BCR: variants seen among roughly 807,000 people sequenced by gnomAD.
BCR encodes the protein breakpoint cluster region protein.
A neutral mutation model predicts 138.6 loss-of-function variants in BCR; 58 were observed. The ratio of observed to expected loss-of-function variants is 0.42; its 90% CI spans 0.34 to 0.52. BCR has a LOEUF of 0.52. Among genes scored for constraint, BCR ranks in the 20% least tolerant of loss-of-function variants. BCR has a pLI of 0.06. For missense variants in BCR, 1,599 were observed against 1,727.2 expected (o/e 0.93, Z 1.32); for synonymous variants, 786 against 730.1 (o/e 1.08, Z -1.23).
chr22:23,211,928 TC>T (rs2072689106), intron 1 of BCR, among the ~76,000 whole-genome samples: 1 of 152,100 alleles, frequency 6.6e-6, no homozygotes, highest in Non-Finnish European at 1.5e-5. Context: ...GGGCTGCTCC[TC>T]TCAGAGTGCC....
At chr22:23,263,061 G>A in intron 4 of BCR, 3 of 727,654 alleles carry the variant, frequency 4.1e-6, no homozygotes, top group Non-Finnish European at 4.3e-6. Flanking sequence ...TAGGCGGCGG[G>A]AGGGCGCCAG....
At chr22:23,193,559 C>T (rs2072440753) in intron 1 of BCR, among the ~76,000 whole-genome samples, 1 of 152,262 alleles carries the variant, frequency 6.6e-6, no homozygotes, top group Non-Finnish European at 1.5e-5. Context: ...CCAGTATGAG[C>T]TCCGGGGGGA....
intron 1 of BCR, among the ~76,000 whole-genome samples, chr22:23,217,295 A>C (rs970137140): frequency 6.6e-5 from 10 of 152,228 alleles, no homozygotes; most frequent in Non-Finnish European, 1.2e-4. Flanking sequence ...GGGGTGTCAG[A>C]TCCACTGTTA....
chr22:23,301,149 C>CA (rs1271336312), intron 16 of BCR, among the ~76,000 whole-genome samples: 2 of 152,198 alleles, frequency 1.3e-5, no homozygotes, highest in Non-Finnish European at 2.9e-5. Flanking sequence ...ACTAAAAACA[C>CA]AAAAAAATTA....
chr22:23,230,110 A>G (rs1192685233), intron 1 of BCR, among the ~76,000 whole-genome samples: 6 of 148,300 alleles, frequency 4.0e-5, no homozygotes, highest in African/African-American at 1.3e-4. Context: ...TCTAGTGCCC[A>G]TGCTGGGAGG....
rs781187477 is a variant in BCR, at chr22:23,315,481, G to A, written c.3775G>A (p.Asp1259Asn). 2.2e-5 allele frequency: 35 copies of A among 1,612,766 alleles called. No homozygotes were observed. The highest frequency in any genetic ancestry group is 2.5e-5 in the Non-Finnish European group (29 of 1,180,006). The change falls in exon 23 of 23, where the codon GAC becomes AAC. Residue 1259 changes from aspartate to asparagine, a missense_variant. Around this residue, in one of 4 missense-constraint regions of BCR, gnomAD observed 177 missense variants for 226.4 expected, o/e 0.78. Coordinates refer to ENST00000305877, the MANE Select transcript of BCR (RefSeq NM_004327.4). ...GCAGCTGGAGGCCATCCCTGCCCCG[G>A]ACAGCAAGAGACAGAGCATCCTGTT... is the stretch of plus-strand genomic sequence containing the variant. ...FLQLEAIPAPDSKRQSILFST... is the reference protein window; with the variant it reads ...FLQLEAIPAPNSKRQSILFST...
chr22:23,203,065 G>A (rs573263103), intron 1 of BCR, among the ~76,000 whole-genome samples: 145 of 150,314 alleles, frequency 9.6e-4, no homozygotes, highest in African/African-American at 3.3e-3. Flanking sequence ...TTGCTGTGTT[G>A]CCCAGGCTGG....
intron 8 of BCR, chr22:23,283,442 T>A (rs1296205560): frequency 6.5e-6 from 1 of 153,900 alleles, no homozygotes; most frequent in East Asian, 1.9e-4. Flanking sequence ...TCTCCACCCA[T>A]AGACCATACT....
chr22:23,210,702 G>A (rs991843226), intron 1 of BCR, among the ~76,000 whole-genome samples: 2 of 152,132 alleles, frequency 1.3e-5, no homozygotes, highest in South Asian at 2.1e-4. Context: ...TTACAGTTTA[G>A]CACTTTTCCG....
At chr22:23,223,345 C>T (rs1188333721) in intron 1 of BCR, among the ~76,000 whole-genome samples, 1 of 152,106 alleles carries the variant, frequency 6.6e-6, no homozygotes. Flanking sequence ...TCCAAGTGTC[C>T]ATGTATGGCT....
chr22:23,185,626 G>A (rs1391959037), intron 1 of BCR, among the ~76,000 whole-genome samples: 1 of 151,482 alleles, frequency 6.6e-6, no homozygotes, highest in Non-Finnish European at 1.5e-5. Context: ...AGATCGCTGG[G>A]CTGCACTCCA....
At chr22:23,313,255 TAGTC>T (rs2074028336) in intron 20 of BCR, among the ~76,000 whole-genome samples, 1 of 152,154 alleles carries the variant, frequency 6.6e-6, no homozygotes, top group Non-Finnish European at 1.5e-5. Flanking sequence ...GAGGCTGAAA[TAGTC>T]AGCACTGCTG....
intron 16 of BCR, among the ~76,000 whole-genome samples, chr22:23,305,602 C>T (rs141234493): frequency 9.5e-4 from 144 of 152,322 alleles, no homozygotes; most frequent in African/African-American, 3.3e-3. Flanking sequence ...TCCCTCAGCC[C>T]CCACCCCACC....
intron 1 of BCR, among the ~76,000 whole-genome samples, chr22:23,227,919 TGG>T (rs1389002758): frequency 3.3e-5 from 5 of 152,154 alleles, no homozygotes; most frequent in Non-Finnish European, 7.4e-5. Flanking sequence ...GCACCATGAA[TGG>T]TTAGGGGTAT....
chr22:23,281,500 G>A (rs2073644399), intron 8 of BCR, among the ~76,000 whole-genome samples: 1 of 152,232 alleles, frequency 6.6e-6, no homozygotes, highest in Non-Finnish European at 1.5e-5. Flanking sequence ...ACATCTCCTG[G>A]GCAGGGAGTG....
rs2146187452 is a variant in BCR at position 23,181,001 on chromosome 22, A to G, written c.41A>G (p.Gln14Arg). ...GGCTTCGCGGAGGCGTGGAAGGCGC[A>G]GTTCCCGGACTCAGAGCCCCCGCGC... ...PVGFAEAWKA[Q>R]FPDSEPPRME... is the part of the protein sequence containing the mutation. The change falls in exon 1 of 23, where the codon CAG (glutamine) becomes CGG (arginine). Residue 14 changes from glutamine (Q) to arginine (R), a missense_variant. Transcript: ENST00000305877. The G allele has an allele frequency of 1.4e-6, 2 of 1,466,384 alleles. No individual in the cohort carries two copies. The highest frequency in any genetic ancestry group is 9.1e-7 in the Non-Finnish European group (1 of 1,096,910). 90.8% of individuals were successfully genotyped at this position (1,466,384 alleles called of 1,614,324 possible). A position where few individuals can be genotyped will look rare whatever the true frequency, so the allele number is the denominator to read the frequency against.
chr22:23,222,231 C>T (rs188084920), intron 1 of BCR, among the ~76,000 whole-genome samples: 80 of 152,288 alleles, frequency 5.3e-4, no homozygotes, highest in African/African-American at 1.8e-3. Flanking sequence ...TAAAACAATG[C>T]CAGCACGTAG....
chr22:23,186,098 T>C (rs1185682908), intron 1 of BCR, among the ~76,000 whole-genome samples: 1 of 152,142 alleles, frequency 6.6e-6, no homozygotes. Context: ...CACATGTATG[T>C]GCTCAAGGGA....
chr22:23,291,634 T>C (rs1253553810), intron 14 of BCR, among the ~76,000 whole-genome samples: 1 of 152,082 alleles, frequency 6.6e-6, no homozygotes, highest in African/African-American at 2.4e-5. Context: ...GTTACCTTTC[T>C]TTCTATCTCT....
Sources: gnomAD v4.1 joint callset for allele counts (sites outside exome capture counted in the v4.1 genomes callset) on GRCh38, gnomAD v4.1.1 for gene constraint, gnomAD v4.1.1 regional missense constraint, MANE v1.5 for transcripts, NCBI Gene and HGNC (gene_info 2026-07-23, HGNC 2026-07-21) for gene names.